Variants in POU6F2 observed in about 807,000 individuals in gnomAD.
POU6F2 encodes POU class 6 homeobox 2, also known as POU domain, class 6, transcription factor 2.
Under a neutral mutation model 71.3 loss-of-function variants are expected in POU6F2, and 31 were observed. The observed-to-expected ratio is 0.43, with a 90% CI of 0.33 to 0.59. The LOEUF (loss-of-function observed/expected upper bound fraction) is 0.59, where lower values mean the gene tolerates loss of function less well. POU6F2 is among the 20% of genes least tolerant of loss of function. POU6F2 has a pLI of 0.04. For synonymous variants in POU6F2, 347 were observed against 355.7 expected (o/e 0.98, Z 0.27); for missense variants, 783 against 856.8 (o/e 0.91, Z 1.07).
rs1333139706 is a variant in POU6F2, at chr7:39,377,602, T to C, written c.973-28998T>C. ...CAGGAAGAACTTCCAGAGCTTCATT[T>C]AGTGTTCACATGTCAGTAACTAGCT... is the stretch of plus-strand genomic sequence containing the variant. On this transcript the variant is annotated intron_variant, in intron 5 of 9. Transcript: ENST00000518318. Among the ~76,000 whole-genome samples, 4 of 152,186 alleles carry C rather than the reference T, an allele frequency of 2.6e-5. No homozygotes were observed. The East Asian group carries it at 7.7e-4, about 29-fold the overall frequency.
At chr7:39,078,127 C>T (rs1791035187) in intron 1 of POU6F2, among the ~76,000 whole-genome samples, 1 of 152,182 alleles carries the variant, frequency 6.6e-6, no homozygotes, top group South Asian at 2.1e-4. Flanking sequence ...GCTCTCAGAC[C>T]AAGAGCTGCC....
chr7:39,228,904 C>T (rs185501953), intron 4 of POU6F2, among the ~76,000 whole-genome samples: 5 of 152,262 alleles, frequency 3.3e-5, no homozygotes, highest in East Asian at 1.9e-4. Context: ...GAATGTCTTT[C>T]GGGCTCTGCA....
At chr7:39,097,851 T>G (rs944982430) in intron 2 of POU6F2, among the ~76,000 whole-genome samples, 1 of 152,204 alleles carries the variant, frequency 6.6e-6, no homozygotes, top group Non-Finnish European at 1.5e-5. Flanking sequence ...GACATTCTAT[T>G]TTACTTGATC....
intron 4 of POU6F2, among the ~76,000 whole-genome samples, chr7:39,297,971 A>G (rs1784884261): frequency 6.6e-6 from 1 of 152,124 alleles, no homozygotes. Flanking sequence ...CTGAAACTGG[A>G]CCCCTTCCTT....
intron 5 of POU6F2, among the ~76,000 whole-genome samples, chr7:39,361,851 C>T (rs1444210801): frequency 1.3e-5 from 2 of 152,066 alleles, no homozygotes; most frequent in Non-Finnish European, 2.9e-5. Flanking sequence ...TGTTTGAGCT[C>T]GGGTGTTTGA....
intron 7 of POU6F2, among the ~76,000 whole-genome samples, chr7:39,443,767 T>C (rs1423366734): frequency 6.6e-6 from 1 of 152,220 alleles, no homozygotes; most frequent in African/African-American, 2.4e-5. Flanking sequence ...CTTTAAATAT[T>C]ACCCTTTACA....
intron 5 of POU6F2, among the ~76,000 whole-genome samples, chr7:39,348,283 A>G (rs1340202818): frequency 9.6e-6 from 1 of 104,114 alleles, no homozygotes; most frequent in Non-Finnish European, 2.4e-5. Flanking sequence ...GACCATGGGC[A>G]AGTCACCTAA....
chr7:39,065,521 G>T (rs1790737923), intron 1 of POU6F2, among the ~76,000 whole-genome samples: 1 of 151,398 alleles, frequency 6.6e-6, no homozygotes, highest in African/African-American at 2.4e-5. Context: ...GTTGATAATT[G>T]TAACAGGTCT....
intron 2 of POU6F2, among the ~76,000 whole-genome samples, chr7:39,101,448 T>A (rs75812415): frequency 1.1e-5 from 1 of 87,234 alleles, no homozygotes; most frequent in African/African-American, 3.2e-5. Context: ...TAGGCAAGAT[T>A]TTTTTTTTTT....
chr7:39,289,779 C>T (rs1205621938), intron 4 of POU6F2, among the ~76,000 whole-genome samples: 1 of 152,176 alleles, frequency 6.6e-6, no homozygotes, highest in Non-Finnish European at 1.5e-5. Flanking sequence ...GTATAGCACG[C>T]AGGTCATTTT....
chr7:39,374,626 C>T (rs1420474797), intron 5 of POU6F2, among the ~76,000 whole-genome samples: 1 of 152,174 alleles, frequency 6.6e-6, no homozygotes, highest in African/African-American at 2.4e-5. Context: ...GACACCTTTC[C>T]ATATAAGCAA....
chr7:39,046,903 T>C (rs1426823185), intron 1 of POU6F2, among the ~76,000 whole-genome samples: 2 of 151,922 alleles, frequency 1.3e-5, no homozygotes, highest in Non-Finnish European at 2.9e-5. Context: ...ATCTAAGTTC[T>C]TTTTTTCTTT....
At chr7:39,331,184 G>A (rs1192276958) in intron 4 of POU6F2, among the ~76,000 whole-genome samples, 1 of 152,182 alleles carries the variant, frequency 6.6e-6, no homozygotes, top group Non-Finnish European at 1.5e-5. Flanking sequence ...ACAGTTGCTG[G>A]ACACTTAGGT....
At chr7:39,074,040 G>A (rs996483020) in intron 1 of POU6F2, among the ~76,000 whole-genome samples, 1 of 152,138 alleles carries the variant, frequency 6.6e-6, no homozygotes, top group Non-Finnish European at 1.5e-5. Context: ...AGACTTCTGA[G>A]TAATTTTATT....
chr7:39,382,504 G>A (rs1303709977), intron 5 of POU6F2, among the ~76,000 whole-genome samples: 2 of 152,184 alleles, frequency 1.3e-5, no homozygotes, highest in African/African-American at 4.8e-5. Context: ...ACGGATCTCA[G>A]GGAAAAGAGA....
At chr7:39,142,627 TA>T (rs1000912936) in intron 2 of POU6F2, among the ~76,000 whole-genome samples, 96 of 152,350 alleles carry the variant, frequency 6.3e-4, no homozygotes, top group African/African-American at 1.3e-3. Context: ...TCCTTATTGA[TA>T]TTTTTTTGTT....
At chr7:39,164,326 C>A (rs956045999) in intron 2 of POU6F2, among the ~76,000 whole-genome samples, 1 of 148,602 alleles carries the variant, frequency 6.7e-6, no homozygotes, top group South Asian at 2.1e-4. Context: ...GAAATCATTT[C>A]TATAAAGTAG....
At chr7:39,126,486 C>T (rs997795052) in intron 2 of POU6F2, among the ~76,000 whole-genome samples, 2 of 152,090 alleles carry the variant, frequency 1.3e-5, no homozygotes, top group Admixed American at 1.3e-4. Context: ...TGAGTCAGTC[C>T]CTGCTAGTTA....
chr7:39,276,022 T>C (rs946965643), intron 4 of POU6F2, among the ~76,000 whole-genome samples: 12 of 152,010 alleles, frequency 7.9e-5, no homozygotes, highest in Admixed American at 2.6e-4. Context: ...ACACCAAAAG[T>C]AATGGCAACA....
Sources: gnomAD v4.1 joint callset for allele counts (sites outside exome capture counted in the v4.1 genomes callset) on GRCh38, gnomAD v4.1.1 for gene constraint, MANE v1.5 for transcripts, NCBI Gene and HGNC (gene_info 2026-07-23, HGNC 2026-07-21) for gene names.